The following CD200R1L variants were observed in gnomAD, a reference collection of about 807,000 sequenced individuals.
CD200R1L encodes the protein CD200 receptor 1 like, also known as cell surface glycoprotein CD200 receptor 2.
A neutral mutation model predicts 24.8 loss-of-function variants in CD200R1L; 14 were observed. The ratio of observed to expected loss-of-function variants is 0.56; its 90% CI spans 0.37 to 0.88. CD200R1L has a LOEUF of 0.88. Ranked by LOEUF, CD200R1L falls within the 40% of genes least tolerant of loss-of-function variation. CD200R1L has a pLI of 0.00. For synonymous variants in CD200R1L, 111 were observed against 109.2 expected, an observed-to-expected ratio of 1.02 and a Z score of -0.11; for missense variants, 299 against 297.8, an observed-to-expected ratio of 1.00 and a Z score of -0.03.
intron 6 of CD200R1L, among the ~76,000 whole-genome samples, chr3:112,823,018 T>C (rs1442094792): frequency 7.9e-5 from 12 of 152,110 alleles, no homozygotes; most frequent in Non-Finnish European, 5.9e-5. Context: ...ACTCTTAAAA[T>C]TGGAAAGGAA....
chr3:112,835,692 G>A (rs572013841), intron 3 of CD200R1L, among the ~76,000 whole-genome samples: 9 of 152,322 alleles, frequency 5.9e-5, no homozygotes, highest in Non-Finnish European at 8.8e-5. Context: ...TGTTCATGCC[G>A]AGGGGCACCT....
intron 3 of CD200R1L, among the ~76,000 whole-genome samples, chr3:112,832,926 G>C (rs1346352949): frequency 1.3e-5 from 2 of 152,192 alleles, no homozygotes; most frequent in African/African-American, 2.4e-5. Context: ...CTACTATATT[G>C]ATGACATCAT....
intron 6 of CD200R1L, among the ~76,000 whole-genome samples, chr3:112,823,505 C>A (rs1188640581): frequency 6.6e-6 from 1 of 152,136 alleles, no homozygotes; most frequent in African/African-American, 2.4e-5. Flanking sequence ...TTGTAGGACA[C>A]CTAGGTGGTG....
chr3:112,841,122 G>T, intron 2 of CD200R1L: 1 of 208,090 alleles, frequency 4.8e-6, no homozygotes, highest in Non-Finnish European at 1.0e-5. Context: ...TCCTGAGTGG[G>T]GCCTGGTCGG....
At chr3:112,826,935 T>A in intron 6 of CD200R1L, 58 bp downstream of exon 6, 1 of 1,503,254 alleles carries the variant, frequency 6.7e-7, no homozygotes, top group East Asian at 2.3e-5. Flanking sequence ...TTCGTTATTT[T>A]CTATGGAAGA....
chr3:112,826,545 G>C (rs1005041602), intron 6 of CD200R1L, among the ~76,000 whole-genome samples: 9 of 152,098 alleles, frequency 5.9e-5, no homozygotes, highest in African/African-American at 1.9e-4. Flanking sequence ...TGCATCACCA[G>C]CTTCAAACTT....
In CD200R1L at chr3:112,827,645, A is replaced by G. The variant is rs1432794371; in HGVS notation, c.89T>C (p.Val30Ala). 6.2e-7 allele frequency: 1 copy of G among 1,613,958 alleles called. No individual in the cohort carries two copies. The highest frequency in any genetic ancestry group is 1.7e-5 in the Admixed American group (1 of 60,018). ...SQPVLMDINA[V>A]LCCPPIALRN... ...TAATGCGATAGGAGGGCAACAAAGCACAGCATTTATATCCATCAGTACAGG... is the reference window on the plus strand; with the variant it reads ...TAATGCGATAGGAGGGCAACAAAGCGCAGCATTTATATCCATCAGTACAGG... Residue 30 changes from valine to alanine, a missense_variant, in exon 5 of 8, where the codon GTG (valine) becomes GCG (alanine). Transcript: ENST00000488794.
At chr3:112,839,761 C>G (rs1211701703) in intron 2 of CD200R1L, among the ~76,000 whole-genome samples, 2 of 152,206 alleles carry the variant, frequency 1.3e-5, no homozygotes, top group Admixed American at 1.3e-4. Context: ...TTTCTAAAGT[C>G]TCCTAAGTCT....
At chr3:112,828,701 A>C (rs1007563388) in intron 4 of CD200R1L, among the ~76,000 whole-genome samples, 2 of 152,158 alleles carry the variant, frequency 1.3e-5, no homozygotes, top group African/African-American at 4.8e-5. Context: ...TTAAAGTAAA[A>C]ATTAAGCCCT....
intron 2 of CD200R1L, among the ~76,000 whole-genome samples, chr3:112,844,393 T>A (rs1020752695): frequency 6.6e-6 from 1 of 152,188 alleles, no homozygotes; most frequent in African/African-American, 2.4e-5. Flanking sequence ...ATCAAGCATG[T>A]CTCTGAAAAC....
chr3:112,821,140 C>T lies in CD200R1L; in HGVS notation c.617-1245G>A, dbSNP rs182010681. ...GTGTGAACTCTAAATACAAGTCTGACTCCTGGCTCCAAGAGGTCATTCTAT... is the reference window on the plus strand; with the variant it reads ...GTGTGAACTCTAAATACAAGTCTGATTCCTGGCTCCAAGAGGTCATTCTAT... On this transcript the variant is annotated intron_variant, in intron 6 of 7. Transcript: ENST00000488794. 2.0e-5 allele frequency among the ~76,000 whole-genome samples: 3 copies of T among 151,906 alleles called. No individual in the cohort carries two copies. The East Asian group carries it at 5.8e-4, about 29-fold the overall frequency.
chr3:112,825,709 T>C (rs959557435), intron 6 of CD200R1L, among the ~76,000 whole-genome samples: 1 of 151,894 alleles, frequency 6.6e-6, no homozygotes, highest in Non-Finnish European at 1.5e-5. Context: ...AGAAGAAAAA[T>C]AGGCGTGTTT....
chr3:112,815,810 C>T lies in CD200R1L; in HGVS notation c.*153G>A. ...CTTCATGGTCATCAAGCCCAGGATC[C>T]TTCTTCCATCTTTCTTTTCTTCTAT... is the stretch of plus-strand genomic sequence containing the variant. On this transcript the variant is annotated 3_prime_UTR_variant, in exon 8 of 8. Transcript: ENST00000488794. The T allele has an allele frequency of 1.6e-6, 1 of 616,128 alleles. No homozygotes were observed. 38.2% of individuals were successfully genotyped at this position (616,128 alleles called of 1,614,324 possible).
chr3:112,823,921 G>GGCGAAAGAGAGAA (rs11271128), intron 6 of CD200R1L, among the ~76,000 whole-genome samples: 2 of 151,870 alleles, frequency 1.3e-5, no homozygotes, highest in African/African-American at 4.8e-5. Flanking sequence ...TGAAGCGCAA[G>GGCGAAAGAGAGAA]GCAGGTTGTG....
chr3:112,823,300 G>A (rs1938583358), intron 6 of CD200R1L, among the ~76,000 whole-genome samples: 1 of 152,190 alleles, frequency 6.6e-6, no homozygotes, highest in South Asian at 2.1e-4. Context: ...CATGAGTTCT[G>A]TGAGCCATTC....
chr3:112,835,214 C>G (rs1205347550), intron 3 of CD200R1L, among the ~76,000 whole-genome samples: 1 of 152,188 alleles, frequency 6.6e-6, no homozygotes, highest in Non-Finnish European at 1.5e-5. Context: ...GATAGAACAG[C>G]TCAGAGGAGA....
chr3:112,822,418 G>A (rs1392984280), intron 6 of CD200R1L, among the ~76,000 whole-genome samples: 3 of 152,132 alleles, frequency 2.0e-5, no homozygotes, highest in African/African-American at 7.2e-5. Context: ...GGGGAGAGGG[G>A]CTAGAGATTA....
chr3:112,820,587 C>T lies in CD200R1L; in HGVS notation c.617-692G>A, dbSNP rs555053700. Reference sequence around the variant, plus strand: ...CTAGGATTACAGGCATGCACCACCACGCCTGGCTAATTTTTGTATTTTTAG... The same window carrying T: ...CTAGGATTACAGGCATGCACCACCATGCCTGGCTAATTTTTGTATTTTTAG... On this transcript the variant is annotated intron_variant, in intron 6 of 7. Transcript: ENST00000488794. Among the ~76,000 whole-genome samples, 54 of 152,034 alleles carry T rather than the reference C, an allele frequency of 3.6e-4. 1 individual carries two copies. The South Asian group carries it at 7.1e-3, about 20-fold the overall frequency.
intron 3 of CD200R1L, among the ~76,000 whole-genome samples, chr3:112,836,779 C>G (rs1329466630): frequency 6.6e-6 from 1 of 152,084 alleles, no homozygotes; most frequent in African/African-American, 2.4e-5. Flanking sequence ...TCTTTTAGTG[C>G]ACTACTGATT....
Sources: gnomAD v4.1 joint callset for allele counts (sites outside exome capture counted in the v4.1 genomes callset) on GRCh38, gnomAD v4.1.1 for gene constraint, MANE v1.5 for transcripts, NCBI Gene and HGNC (gene_info 2026-07-23, HGNC 2026-07-21) for gene names.